SLC8A1: variants seen among roughly 807,000 people sequenced by gnomAD.
The protein encoded by SLC8A1 is sodium/calcium exchanger 1.
SLC8A1 carries 18 observed loss-of-function variants against 68.3 expected under a neutral mutation model. That is an observed-to-expected ratio of 0.26 (90% CI 0.18 to 0.39). The LOEUF is 0.39. SLC8A1 is among the 10% of genes least tolerant of loss of function. SLC8A1 has a pLI of 1.00. For synonymous variants in SLC8A1, 475 were observed against 415.5 expected (o/e 1.14, Z -1.74); for missense variants, 985 against 1,156.7 (o/e 0.85, Z 2.15).
At chr2:40,410,838 T>C (rs1195152951) in intron 2 of SLC8A1, among the ~76,000 whole-genome samples, 1 of 152,070 alleles carries the variant, frequency 6.6e-6, no homozygotes, top group Non-Finnish European at 1.5e-5. Flanking sequence ...ACCATAGCAC[T>C]TTGAGAATTA....
At chr2:40,124,488 T>C (rs2037626339) in intron 7 of SLC8A1, among the ~76,000 whole-genome samples, 1 of 152,160 alleles carries the variant, frequency 6.6e-6, no homozygotes, top group South Asian at 2.1e-4. Context: ...CTTGAATGGG[T>C]TCTGAAAGTT....
intron 1 of SLC8A1, among the ~76,000 whole-genome samples, chr2:40,476,106 G>T (rs533794123): frequency 6.6e-6 from 1 of 152,216 alleles, no homozygotes; most frequent in Non-Finnish European, 1.5e-5. Flanking sequence ...GGTTAGTTGT[G>T]GAACTTCTTG....
At chr2:40,106,882 G>A (rs2034232437) in exon 8 of SLC8A1, 2 of 152,116 alleles carry the variant, frequency 1.3e-5, no homozygotes, top group Admixed American at 1.3e-4. Flanking sequence ...CCAATAACTT[G>A]GTATTGACAT....
intron 2 of SLC8A1, among the ~76,000 whole-genome samples, chr2:40,316,120 C>T (rs771887879): frequency 1.3e-4 from 20 of 152,178 alleles, no homozygotes; most frequent in Non-Finnish European, 2.8e-4. Flanking sequence ...ACCTCACTGA[C>T]ATAGTATACA....
chr2:40,371,172 T>C, intron 2 of SLC8A1, among the ~76,000 whole-genome samples: 1 of 152,114 alleles, frequency 6.6e-6, no homozygotes, highest in South Asian at 2.1e-4. Context: ...GATCCCTGTG[T>C]GCATTCATTT....
chr2:40,338,894 A>AC (rs144204071), intron 2 of SLC8A1, among the ~76,000 whole-genome samples: 24,914 of 152,150 alleles, frequency 0.16, 3,425 homozygotes, highest in African/African-American at 0.38. Flanking sequence ...GAACAACTAA[A>AC]CTAAAAATCA....
intron 2 of SLC8A1, among the ~76,000 whole-genome samples, chr2:40,349,542 G>C (rs539723859): frequency 2.6e-5 from 4 of 152,140 alleles, no homozygotes; most frequent in Non-Finnish European, 5.9e-5. Context: ...CTGCACCTCA[G>C]CTGTTTTCTC....
chr2:40,125,915 T>C (rs898921721), intron 7 of SLC8A1, among the ~76,000 whole-genome samples: 1 of 152,218 alleles, frequency 6.6e-6, no homozygotes, highest in Non-Finnish European at 1.5e-5. Flanking sequence ...CTCTTATTTT[T>C]ATAGATTCTT....
chr2:40,464,053 C>G (rs1375713258), intron 1 of SLC8A1, among the ~76,000 whole-genome samples: 1 of 152,002 alleles, frequency 6.6e-6, no homozygotes, highest in African/African-American at 2.4e-5. Context: ...TGCCACCACG[C>G]CAGGCTAGTT....
At chr2:40,442,061 A>T (rs193094325) in intron 1 of SLC8A1, among the ~76,000 whole-genome samples, 2 of 74,166 alleles carry the variant, frequency 2.7e-5, no homozygotes, top group Non-Finnish European at 4.8e-5. Flanking sequence ...GGGTGGGGGG[A>T]GGGGGGAGGG....
intron 2 of SLC8A1, among the ~76,000 whole-genome samples, chr2:40,294,008 C>T (rs2069847458): frequency 6.6e-6 from 1 of 152,042 alleles, no homozygotes; most frequent in Non-Finnish European, 1.5e-5. Context: ...CCATAGCAAT[C>T]AGTTTAAAGT....
chr2:40,321,470 C>T (rs1243198040), intron 2 of SLC8A1, among the ~76,000 whole-genome samples: 1 of 152,030 alleles, frequency 6.6e-6, no homozygotes, highest in Admixed American at 6.6e-5. Context: ...TCCTTACTAT[C>T]TGTATTAGTC....
intron 2 of SLC8A1, among the ~76,000 whole-genome samples, chr2:40,401,878 G>T (rs554870070): frequency 6.6e-6 from 1 of 152,228 alleles, no homozygotes; most frequent in South Asian, 2.1e-4. Flanking sequence ...TCTAAGTACA[G>T]AAGTTAGTAC....
At chr2:40,157,735 G>C (rs1368042954) in intron 6 of SLC8A1, among the ~76,000 whole-genome samples, 4 of 152,188 alleles carry the variant, frequency 2.6e-5, no homozygotes, top group African/African-American at 9.6e-5. Context: ...TACTGGACTT[G>C]CCTTGCAAGT....
chr2:40,279,228 T>C (rs2149177049), intron 2 of SLC8A1, among the ~76,000 whole-genome samples: 1 of 152,344 alleles, frequency 6.6e-6, no homozygotes, highest in East Asian at 1.9e-4. Context: ...ACTTTCACTT[T>C]AGACAGCTTT....
chr2:40,457,272 TG>T (rs573030316), intron 1 of SLC8A1, among the ~76,000 whole-genome samples: 37 of 152,302 alleles, frequency 2.4e-4, no homozygotes, highest in Admixed American at 5.2e-4. Flanking sequence ...ATAAGCTCCC[TG>T]GGGTGCTTTG....
At chr2:40,240,207 A>G (rs1453473422) in intron 2 of SLC8A1, among the ~76,000 whole-genome samples, 1 of 152,230 alleles carries the variant, frequency 6.6e-6, no homozygotes, top group Non-Finnish European at 1.5e-5. Context: ...CCCTAGATAC[A>G]GAGAGTACTT....
rs547169391 is a variant in SLC8A1, at chr2:40,249,710, T to C, written c.1809-71855A>G. Among the ~76,000 whole-genome samples the C allele has an allele frequency of 2.0e-5, 3 of 152,352 alleles. No homozygotes were observed. The East Asian group carries it at 5.8e-4, about 29-fold the overall frequency. The stretch of plus-strand genomic sequence containing the variant: ...AATAAGTGCAATGTATTTCTCATGT[T>C]GCAGGTAGTAAAAATTGCCAACGAA... On this transcript the variant is annotated intron_variant, in intron 2 of 7. Coordinates refer to ENST00000406785, the Ensembl canonical transcript of SLC8A1.
chr2:40,455,555 A>G (rs993072784), upstream of SLC8A1, among the ~76,000 whole-genome samples: 2 of 109,760 alleles, frequency 1.8e-5, no homozygotes, highest in Admixed American at 1.7e-4. Context: ...AAATGTTATT[A>G]CATAATAGCC....
Sources: gnomAD v4.1 joint callset for allele counts (sites outside exome capture counted in the v4.1 genomes callset) on GRCh38, gnomAD v4.1.1 for gene constraint, MANE v1.5 for transcripts, NCBI Gene and HGNC (gene_info 2026-07-23, HGNC 2026-07-21) for gene names.